The following YTHDF1 variants were observed in gnomAD, a reference collection of about 807,000 sequenced individuals.
The protein encoded by YTHDF1 is YTH domain-containing family protein 1.
YTHDF1 carries 16 observed loss-of-function variants against 49.1 expected under a neutral mutation model. The observed-to-expected ratio is 0.33, with a 90% CI of 0.22 to 0.49. YTHDF1 has a LOEUF of 0.49. YTHDF1 is among the 20% of genes least tolerant of loss of function. YTHDF1 has a pLI of 0.99. For synonymous variants in YTHDF1, 313 were observed against 290.1 expected (o/e 1.08, Z -0.80); for missense variants, 621 against 744.3 (o/e 0.83, Z 1.93).
rs543957413 is a variant in YTHDF1, at chr20:63,202,672, C to T, written c.1268G>A (p.Ser423Asn). The T allele has an allele frequency of 2.5e-6, 4 of 1,613,854 alleles. No individual in the cohort carries two copies. The Admixed American group carries it at 6.7e-5, about 27-fold the overall frequency. ...CTTGCTGCTCATGCAGCGGAAGGCG[C>T]TGTCCAGGCGCTTGTTGCCGTGCTC... is the stretch of plus-strand genomic sequence containing the variant. ...STEHGNKRLD[S>N]AFRCMSSKGP... The change falls in exon 4 of 5, where the codon AGC becomes AAC. Residue 423 changes from serine to asparagine, a missense_variant. Transcript: ENST00000370339.
chr20:63,204,487 A>G (rs888902018), intron 3 of YTHDF1, among the ~76,000 whole-genome samples: 7 of 152,306 alleles, frequency 4.6e-5, no homozygotes, highest in Admixed American at 1.3e-4. Context: ...TTTCCTGGGC[A>G]CAGCGTTGGG....
intron 3 of YTHDF1, among the ~76,000 whole-genome samples, chr20:63,208,560 T>A (rs188196218): frequency 1.3e-5 from 2 of 152,322 alleles, no homozygotes; most frequent in African/African-American, 4.8e-5. Context: ...GAGACAGCAG[T>A]TTCTGACAGA....
intron 4 of YTHDF1, among the ~76,000 whole-genome samples, chr20:63,201,829 G>A (rs1292846173): frequency 6.6e-6 from 1 of 152,170 alleles, no homozygotes; most frequent in South Asian, 2.1e-4. Context: ...GGGAAGCAAG[G>A]GCCCTTGGCC....
intron 3 of YTHDF1, among the ~76,000 whole-genome samples, chr20:63,204,629 C>A (rs989430560): frequency 1.3e-5 from 2 of 152,184 alleles, no homozygotes; most frequent in Admixed American, 1.3e-4. Flanking sequence ...CTCACCTGGG[C>A]TTCCTTATGA....
At chr20:63,199,325 C>T (rs1468913873) in intron 4 of YTHDF1, among the ~76,000 whole-genome samples, 1 of 152,002 alleles carries the variant, frequency 6.6e-6, no homozygotes, top group African/African-American at 2.4e-5. Context: ...CGAGACCATC[C>T]TGGCTAACAC....
Position 63,203,479 on chromosome 20 carries a change from G to A in YTHDF1, c.461C>T (p.Pro154Leu). 1 of 1,613,540 alleles carries A rather than the reference G, an allele frequency of 6.2e-7. No individual in the cohort carries two copies. Among genetic ancestry groups the A allele is most frequent in the Non-Finnish European group, 8.5e-7 (1 of 1,179,926 alleles). ...CACCGTGCCACCCAGGGAGCTCGGGGGGTAGGTGTAGCTGCTCCCATACGC... is the reference window on the plus strand; with the variant it reads ...CACCGTGCCACCCAGGGAGCTCGGGAGGTAGGTGTAGCTGCTCCCATACGC... ...SSAYGSSYTY[P>L]PSSLGGTVVD... Residue 154 changes from proline to leucine, a missense_variant, in exon 4 of 5, where the codon CCC becomes CTC. Transcript: ENST00000370339. This position sits in a 1 kb window ranked among gnomAD's most constrained non-coding sequence, Gnocchi z 4.4.
Position 63,203,954 on chromosome 20 carries a change from C to T in YTHDF1, c.133-147G>A. Reference sequence around the variant, plus strand: ...CTTCCAGAAAGAAAGCTGTAGTCGCCAATGTGAGAACCAAATCAAGACAGA... The same window carrying T: ...CTTCCAGAAAGAAAGCTGTAGTCGCTAATGTGAGAACCAAATCAAGACAGA... On this transcript the variant is annotated intron_variant, in intron 3 of 4. Transcript: ENST00000370339. The surrounding 1 kb of genome is among the most constrained non-coding windows in gnomAD (Gnocchi z 4.4). The T allele has an allele frequency of 2.8e-6, 2 of 717,390 alleles. No homozygotes were observed. The highest frequency in any genetic ancestry group is 4.4e-6 in the Non-Finnish European group (2 of 451,460). 44.4% of individuals were successfully genotyped at this position (717,390 alleles called of 1,614,324 possible). A position where few individuals can be genotyped will look rare whatever the true frequency, so the allele number is the denominator to read the frequency against.
At chr20:63,213,389 G>C (rs559909192) in intron 3 of YTHDF1, among the ~76,000 whole-genome samples, 2 of 152,178 alleles carry the variant, frequency 1.3e-5, no homozygotes. Flanking sequence ...CTGAGATCAC[G>C]CCATTGCGCT....
intron 3 of YTHDF1, among the ~76,000 whole-genome samples, chr20:63,211,531 T>C (rs534393156): frequency 3.3e-4 from 50 of 152,336 alleles, no homozygotes; most frequent in African/African-American, 1.2e-3. Flanking sequence ...TCCAAAGGTA[T>C]GTCTGTGTAA....
Position 63,205,450 on chromosome 20 carries a change from A to G in YTHDF1, c.133-1643T>C, listed in dbSNP as rs144812133. On this transcript the variant is annotated intron_variant, in intron 3 of 4. Transcript: ENST00000370339. Reference sequence around the variant, plus strand: ...GAATACTGAGGGCTTCAGAAATCCAATTTATTTTCTAATTTTCTTCCTGTT... The same window carrying G: ...GAATACTGAGGGCTTCAGAAATCCAGTTTATTTTCTAATTTTCTTCCTGTT... Among the ~76,000 whole-genome samples, 824 of 152,026 alleles carry G rather than the reference A, an allele frequency of 5.4e-3. 3 individuals carry two copies. The highest frequency in any genetic ancestry group is 0.027 in the Middle Eastern group (8 of 292).
intron 3 of YTHDF1, among the ~76,000 whole-genome samples, chr20:63,210,657 G>A (rs975811395): frequency 4.6e-5 from 7 of 151,848 alleles, no homozygotes; most frequent in Admixed American, 2.6e-4. Context: ...GCGTGGTGGC[G>A]CGTGCCTGTA....
intron 3 of YTHDF1, among the ~76,000 whole-genome samples, chr20:63,211,723 G>A (rs1456315252): frequency 1.3e-5 from 2 of 152,156 alleles, no homozygotes; most frequent in East Asian, 1.9e-4. Context: ...GGAGGCCAAA[G>A]CAGGAAGATC....
chr20:63,198,048 A>G (rs2122970041), intron 4 of YTHDF1, among the ~76,000 whole-genome samples: 1 of 152,228 alleles, frequency 6.6e-6, no homozygotes, highest in East Asian at 1.9e-4. Context: ...TACTCTTAAG[A>G]ATTAACATTT....
At chr20:63,214,803 CT>C (rs1234295069) in intron 2 of YTHDF1, among the ~76,000 whole-genome samples, 1 of 152,134 alleles carries the variant, frequency 6.6e-6, no homozygotes, top group Admixed American at 6.5e-5. Context: ...AAGTATGTAA[CT>C]TTTTTTGTCT....
chr20:63,206,950 C>T (rs2066549490), intron 3 of YTHDF1, among the ~76,000 whole-genome samples: 1 of 152,216 alleles, frequency 6.6e-6, no homozygotes, highest in Non-Finnish European at 1.5e-5. Context: ...GGTCACAGTG[C>T]GTGGGAGACA....
At position 63,196,477 on chromosome 20, in the gene YTHDF1, T is replaced by C. The variant is rs1222431565; in HGVS notation, c.*231A>G. The C allele has an allele frequency of 6.7e-6, 3 of 446,742 alleles. No individual in the cohort carries two copies. The highest frequency in any genetic ancestry group is 8.1e-5 in the South Asian group (2 of 24,778). The allele number at this position is 446,742 out of a possible 1,614,324, so 27.7% of individuals were successfully genotyped here. On this transcript the variant is annotated 3_prime_UTR_variant, in exon 5 of 5. Transcript: ENST00000370339. ...TACATTTCACATTAGATCAGTCTGA[T>C]TGATAAGCTGACAAAAAAAATACTC...
intron 4 of YTHDF1, among the ~76,000 whole-genome samples, chr20:63,198,308 G>A (rs969978472): frequency 1.3e-5 from 2 of 151,904 alleles, no homozygotes; most frequent in Non-Finnish European, 2.9e-5. Flanking sequence ...GGCAGGGCAT[G>A]GTGACCGGCG....
At chr20:63,206,031 C>T (rs1017035405) in intron 3 of YTHDF1, among the ~76,000 whole-genome samples, 11 of 151,050 alleles carry the variant, frequency 7.3e-5, no homozygotes, top group African/African-American at 2.7e-4. Flanking sequence ...GGGGGGTGAG[C>T]GAATCAGGGG....
At chr20:63,214,643 A>G (rs544578418) in intron 2 of YTHDF1, among the ~76,000 whole-genome samples, 3 of 152,294 alleles carry the variant, frequency 2.0e-5, no homozygotes, top group Admixed American at 1.3e-4. Flanking sequence ...GGTCATAGGT[A>G]GATAAGAGAC....
Sources: allele counts gnomAD v4.1 joint callset (sites outside exome capture counted in the v4.1 genomes callset), GRCh38; gene constraint gnomAD v4.1.1; non-coding constraint Gnocchi (gnomAD v3.1); transcripts MANE v1.5; gene names NCBI Gene and HGNC (gene_info 2026-07-23, HGNC 2026-07-21).